The following ITGBL1 variants were observed in gnomAD, a reference collection of about 807,000 sequenced individuals.
ITGBL1 encodes integrin subunit beta like 1.
ITGBL1 carries 51 observed loss-of-function variants against 68.5 expected under a neutral mutation model. The ratio of observed to expected loss-of-function variants is 0.74; its 90% CI spans 0.59 to 0.94. The LOEUF (loss-of-function observed/expected upper bound fraction) is 0.94. Ranked by LOEUF, ITGBL1 falls within the 40% of genes least tolerant of loss-of-function variation. The pLI is 0.00. For synonymous variants in ITGBL1, 209 were observed against 227.3 expected, an observed-to-expected ratio of 0.92 and a Z score of 0.72; for missense variants, 649 against 647.4, an observed-to-expected ratio of 1.00 and a Z score of -0.03.
chr13:101,601,235 A>T (rs1425057243), intron 7 of ITGBL1, among the ~76,000 whole-genome samples: 1 of 152,134 alleles, frequency 6.6e-6, no homozygotes, highest in Non-Finnish European at 1.5e-5. Context: ...AGGTGTTTAT[A>T]GTATTCTCTG....
chr13:101,580,345 A>G (rs184891996), intron 5 of ITGBL1, among the ~76,000 whole-genome samples: 1 of 152,314 alleles, frequency 6.6e-6, no homozygotes, highest in Admixed American at 6.5e-5. Flanking sequence ...GAAAATAAAT[A>G]AAAAGGCAGG....
intron 8 of ITGBL1, among the ~76,000 whole-genome samples, chr13:101,696,961 T>C (rs2034017152): frequency 6.6e-6 from 1 of 152,102 alleles, no homozygotes; most frequent in African/African-American, 2.4e-5. Context: ...GTGAAGAATA[T>C]TTTAGGCCTG....
intron 2 of ITGBL1, among the ~76,000 whole-genome samples, chr13:101,550,057 C>G (rs2049895620): frequency 6.6e-6 from 1 of 152,078 alleles, no homozygotes; most frequent in African/African-American, 2.4e-5. Context: ...TGGCTATATA[C>G]TATAGTCACA....
At chr13:101,470,907 A>AACAGCAGG (rs1318111022) in intron 2 of ITGBL1, among the ~76,000 whole-genome samples, 1 of 28,342 alleles carries the variant, frequency 3.5e-5, no homozygotes, top group Non-Finnish European at 7.1e-5. Flanking sequence ...CCAATAAACA[A>AACAGCAGG]ATATCATCTT....
intron 7 of ITGBL1, among the ~76,000 whole-genome samples, chr13:101,628,544 T>C (rs551740572): frequency 6.6e-6 from 1 of 151,896 alleles, no homozygotes; most frequent in African/African-American, 2.4e-5. Flanking sequence ...GCAATTCTCC[T>C]GCCTCAGCCT....
intron 2 of ITGBL1, among the ~76,000 whole-genome samples, chr13:101,491,952 G>A (rs1256321083): frequency 1.3e-5 from 2 of 152,134 alleles, no homozygotes; most frequent in Non-Finnish European, 2.9e-5. Flanking sequence ...TCCCTGCAAA[G>A]GACATGAACT....
intron 2 of ITGBL1, among the ~76,000 whole-genome samples, chr13:101,483,947 T>A (rs1389638362): frequency 6.6e-6 from 1 of 152,162 alleles, no homozygotes; most frequent in Non-Finnish European, 1.5e-5. Context: ...GCCTCAGATA[T>A]GGCAGATATT....
chr13:101,497,119 C>A (rs1423144427), intron 2 of ITGBL1, among the ~76,000 whole-genome samples: 1 of 152,184 alleles, frequency 6.6e-6, no homozygotes, highest in African/African-American at 2.4e-5. Flanking sequence ...GTTGTCCTTA[C>A]AGGATGAGAG....
intron 7 of ITGBL1, among the ~76,000 whole-genome samples, chr13:101,634,888 C>CATTTTCTTCAT (rs2032113584): frequency 6.6e-6 from 1 of 151,618 alleles, no homozygotes; most frequent in Admixed American, 6.6e-5. Context: ...AATGTTTTAT[C>CATTTTCTTCAT]TAAGACCCGA....
intron 7 of ITGBL1, among the ~76,000 whole-genome samples, chr13:101,639,183 A>G (rs2032280412): frequency 6.6e-6 from 1 of 152,192 alleles, no homozygotes; most frequent in African/African-American, 2.4e-5. Context: ...GGAAGATAGT[A>G]TTCAGAGTAT....
At chr13:101,693,250 G>T (rs967290159) in intron 8 of ITGBL1, among the ~76,000 whole-genome samples, 1 of 152,120 alleles carries the variant, frequency 6.6e-6, no homozygotes, top group East Asian at 1.9e-4. Flanking sequence ...GTGCTGATCC[G>T]AGCACCTCCA....
In ITGBL1 at chr13:101,606,099, GCTCT is replaced by G. The variant is rs111356070; in HGVS notation, c.1015+7811_1015+7814del. 3.9e-3 allele frequency among the ~76,000 whole-genome samples: 488 copies of G among 124,920 alleles called. 1 individual carries two copies. The highest frequency in any genetic ancestry group is 0.011 in the African/African-American group (356 of 33,332). The allele number at this position is 124,920 out of a possible 152,430, so 82.0% of individuals were successfully genotyped here. On this transcript the variant is annotated intron_variant, in intron 7 of 10. Coordinates refer to ENST00000376180, the MANE Select transcript of ITGBL1 (RefSeq NM_004791.3). ...ATATATATGCTATATATATATATAT[GCTCT>G]CTCTCTCTCTATATATATATATAGC... is the stretch of plus-strand genomic sequence containing the variant.
intron 5 of ITGBL1, among the ~76,000 whole-genome samples, chr13:101,582,696 TTC>T (rs1364397350): frequency 6.6e-6 from 1 of 152,270 alleles, no homozygotes; most frequent in Non-Finnish European, 1.5e-5. Flanking sequence ...TTTCTTGACT[TTC>T]TCTTAGTTCT....
At chr13:101,572,994 G>A (rs1271134937) in intron 3 of ITGBL1, among the ~76,000 whole-genome samples, 1 of 152,022 alleles carries the variant, frequency 6.6e-6, no homozygotes, top group Middle Eastern at 3.2e-3. Flanking sequence ...ATAGACTTGT[G>A]GCAAATGCTA....
chr13:101,653,045 G>A (rs1275844650), intron 7 of ITGBL1, among the ~76,000 whole-genome samples: 3 of 151,730 alleles, frequency 2.0e-5, no homozygotes, highest in Non-Finnish European at 2.9e-5. Flanking sequence ...GCAGTGAGCC[G>A]AGATCACGCC....
At chr13:101,510,557 C>G (rs1327290336) in intron 2 of ITGBL1, among the ~76,000 whole-genome samples, 1 of 152,080 alleles carries the variant, frequency 6.6e-6, no homozygotes, top group African/African-American at 2.4e-5. Context: ...GTTTTAAGTT[C>G]TTTGAGAAAT....
chr13:101,491,874 G>A (rs2048783712), intron 2 of ITGBL1, among the ~76,000 whole-genome samples: 1 of 152,106 alleles, frequency 6.6e-6, no homozygotes, highest in Admixed American at 6.6e-5. Context: ...AGAACATGCA[G>A]TGTTGGTGTT....
Position 101,566,334 on chromosome 13 carries a change from G to T in ITGBL1, c.317-1365G>T, listed in dbSNP as rs564666708. ...TATAAATAGGCTAGGTGGTTGACAG[G>T]TGAGATCACTTATGCTTAAAAATGA... On this transcript the variant is annotated intron_variant, in intron 2 of 10. Transcript: ENST00000376180. 2.6e-5 allele frequency among the ~76,000 whole-genome samples: 4 copies of T among 152,206 alleles called. No individual in the cohort carries two copies. The East Asian group carries it at 7.7e-4, about 29-fold the overall frequency.
intron 5 of ITGBL1, among the ~76,000 whole-genome samples, chr13:101,581,891 C>T (rs2050463827): frequency 6.6e-6 from 1 of 152,198 alleles, no homozygotes; most frequent in South Asian, 2.1e-4. Context: ...CCCTTCAGGG[C>T]AAGAAAGTAC....
Sources: gnomAD v4.1 joint callset for allele counts (sites outside exome capture counted in the v4.1 genomes callset) on GRCh38, gnomAD v4.1.1 for gene constraint, MANE v1.5 for transcripts, NCBI Gene and HGNC (gene_info 2026-07-23, HGNC 2026-07-21) for gene names.